Variants in CMC2 observed in about 807,000 individuals in gnomAD.
CMC2 encodes the protein C-X9-C motif containing 2, also known as COX assembly mitochondrial protein 2 homolog.
A neutral mutation model predicts 7.5 loss-of-function variants in CMC2; 5 were observed. The observed-to-expected ratio is 0.66, with a 90% CI of 0.35 to 1.40. The LOEUF is 1.40. CMC2 is among the 40% of genes most tolerant of loss of function. CMC2 has a pLI of 0.04. For missense variants in CMC2, 115 were observed against 92.3 expected (o/e 1.25, Z -1.01); for synonymous variants, 37 against 31.4 (o/e 1.18, Z -0.60).
At chr16:81,000,585 A>C (rs1229936623) in intron 1 of CMC2, among the ~76,000 whole-genome samples, 1 of 152,244 alleles carries the variant, frequency 6.6e-6, no homozygotes, top group Non-Finnish European at 1.5e-5. Flanking sequence ...GTGGCCAAAA[A>C]ACATGAAAAA....
chr16:81,005,868 G>C (rs1387706095), intron 1 of CMC2, among the ~76,000 whole-genome samples: 1 of 152,232 alleles, frequency 6.6e-6, no homozygotes, highest in Non-Finnish European at 1.5e-5. Flanking sequence ...AGGCTCGTGA[G>C]GGAGCATTCT....
At position 80,971,562 on chromosome 16, in the gene CMC2, T is replaced by TATATATATATATATA. The variant is rs1555512297; in HGVS notation, c.*4530_*4531insTATATATATATATAT. On this transcript the variant is annotated 3_prime_UTR_variant, in exon 4 of 4. Coordinates refer to ENST00000219400, the MANE Select transcript of CMC2 (RefSeq NM_020188.5). ...GGCTATGGATACTGACATACATACA[T>TATATATATATATATA]TTTATATATATATATATATATATGT... The TATATATATATATATA allele has an allele frequency of 3.9e-3, 298 of 75,844 alleles. 5 individuals carry two copies. The highest frequency in any genetic ancestry group is 0.011 in the East Asian group (27 of 2,380). 4.7% of individuals were successfully genotyped at this position (75,844 alleles called of 1,614,324 possible).
rs1273282228 is a variant in CMC2, at chr16:80,968,710, T to C, written c.*7383A>G. 6.6e-6 allele frequency: 1 copy of C among 152,106 alleles called. No individual in the cohort carries two copies. Among genetic ancestry groups the C allele is most frequent in the Non-Finnish European group, 1.5e-5 (1 of 68,030 alleles). 9.4% of individuals were successfully genotyped at this position (152,106 alleles called of 1,614,324 possible). A position where few individuals can be genotyped will look rare whatever the true frequency, so the allele number is the denominator to read the frequency against. ...ATCTACAAATACTAGATAGCATATA[T>C]CAAATATAGTTTTTAAAGGTGTAGT... On this transcript the variant is annotated 3_prime_UTR_variant, in exon 4 of 4. Coordinates refer to ENST00000219400, the MANE Select transcript of CMC2 (RefSeq NM_020188.5).
intron 2 of CMC2, 79 bp downstream of exon 2, chr16:80,997,235 C>T (rs1446602206): frequency 2.4e-6 from 2 of 830,276 alleles, no homozygotes; most frequent in African/African-American, 1.7e-5. Context: ...TTCCTTCTAT[C>T]AACGGAGATA....
intron 3 of CMC2, among the ~76,000 whole-genome samples, chr16:80,979,046 A>C (rs964097435): frequency 6.6e-6 from 1 of 151,920 alleles, no homozygotes; most frequent in Admixed American, 6.6e-5. Context: ...GCGCCACTGC[A>C]CTCCAGCCTG....
chr16:81,005,016 T>C (rs1474986741), intron 1 of CMC2, among the ~76,000 whole-genome samples: 1 of 152,228 alleles, frequency 6.6e-6, no homozygotes, highest in East Asian at 1.9e-4. Flanking sequence ...TACACTACAG[T>C]TGTAATTTCT....
rs989889645 is a variant in CMC2 at position 80,973,783 on chromosome 16, G to C, written c.*2310C>G. 1 of 152,126 alleles carries C rather than the reference G, an allele frequency of 6.6e-6. No homozygotes were observed. The highest frequency in any genetic ancestry group is 2.4e-5 in the African/African-American group (1 of 41,380). 9.4% of individuals were successfully genotyped at this position (152,126 alleles called of 1,614,324 possible). On this transcript the variant is annotated 3_prime_UTR_variant, in exon 4 of 4. Transcript: ENST00000219400. Reference sequence around the variant, plus strand: ...GCTGGAAAGGTAGATCATTGCCATAGCCTTCAGTGTGTACTTTACTCTACA... The same window carrying C: ...GCTGGAAAGGTAGATCATTGCCATACCCTTCAGTGTGTACTTTACTCTACA...
At chr16:80,989,845 G>C (rs1013194477) in intron 2 of CMC2, among the ~76,000 whole-genome samples, 1 of 152,122 alleles carries the variant, frequency 6.6e-6, no homozygotes. Context: ...TCTACAATAT[G>C]TTTACTTATT....
intron 1 of CMC2, chr16:80,998,269 A>G (rs1217978357): frequency 6.6e-6 from 1 of 152,174 alleles, no homozygotes; most frequent in African/African-American, 2.4e-5. Context: ...GATTACCAAA[A>G]GAAAGAACCG....
intron 1 of CMC2, among the ~76,000 whole-genome samples, chr16:81,006,323 G>A (rs1969330987): frequency 6.6e-6 from 1 of 152,246 alleles, no homozygotes; most frequent in Non-Finnish European, 1.5e-5. Context: ...ATTCTCAATT[G>A]CTAGATAAAC....
intron 2 of CMC2, among the ~76,000 whole-genome samples, chr16:80,996,322 GTC>G (rs1968411314): frequency 6.6e-6 from 1 of 152,120 alleles, no homozygotes; most frequent in South Asian, 2.1e-4. Context: ...CCCCTTTTCT[GTC>G]TCTGACTATA....
chr16:81,006,793 C>T lies in CMC2; in HGVS notation c.-95G>A. On this transcript the variant is annotated 5_prime_UTR_variant, in exon 1 of 4. Transcript: ENST00000219400. Reference sequence around the variant, plus strand: ...CAGTAGCCGGCGGAGACGCCCGACCCGAAGGCCGGCTGCTAGGGAGCAGAC... The same window carrying T: ...CAGTAGCCGGCGGAGACGCCCGACCTGAAGGCCGGCTGCTAGGGAGCAGAC... The T allele has an allele frequency of 3.0e-6, 3 of 985,654 alleles. No homozygotes were observed. Among genetic ancestry groups the T allele is most frequent in the Non-Finnish European group, 3.6e-6 (3 of 830,114 alleles). 61.1% of individuals were successfully genotyped at this position (985,654 alleles called of 1,614,324 possible). A position where few individuals can be genotyped will look rare whatever the true frequency, so the allele number is the denominator to read the frequency against.
intron 1 of CMC2, among the ~76,000 whole-genome samples, chr16:81,000,126 T>A (rs1292436457): frequency 6.6e-6 from 1 of 152,276 alleles, no homozygotes; most frequent in East Asian, 1.9e-4. Context: ...TCACAAACTA[T>A]GCATCCAACA....
intron 2 of CMC2, among the ~76,000 whole-genome samples, chr16:80,986,313 A>G (rs928181949): frequency 7.0e-4 from 106 of 152,154 alleles, no homozygotes; most frequent in African/African-American, 2.3e-3. Flanking sequence ...TCATGCCACT[A>G]CACTCCAGCC....
Position 80,974,758 on chromosome 16 carries a change from G to T in CMC2, c.*1335C>A, listed in dbSNP as rs1348130423. 6.6e-6 allele frequency: 1 copy of T among 152,182 alleles called. No individual in the cohort carries two copies. The highest frequency in any genetic ancestry group is 6.5e-5 in the Admixed American group (1 of 15,278). The allele number at this position is 152,182 out of a possible 1,614,324, so 9.4% of individuals were successfully genotyped here. ...TCTAAAGGCAAAATGTCTCATTTCT[G>T]TATTTCTACTGCCTGACACTAGGGG... On this transcript the variant is annotated 3_prime_UTR_variant, in exon 4 of 4. Coordinates refer to ENST00000219400, the MANE Select transcript of CMC2 (RefSeq NM_020188.5).
Position 80,969,210 on chromosome 16 carries a change from A to T in CMC2, c.*6883T>A, listed in dbSNP as rs2151601897. On this transcript the variant is annotated 3_prime_UTR_variant, in exon 4 of 4. Coordinates refer to ENST00000219400, the MANE Select transcript of CMC2 (RefSeq NM_020188.5). ...TTACAACAAAATTAGGTTAAAATGT[A>T]ACCCTCATATCCCAAAATACAAATG... is the stretch of plus-strand genomic sequence containing the variant. 4 of 152,348 alleles carry T rather than the reference A, an allele frequency of 2.6e-5. No individual in the cohort carries two copies. In the South Asian group the frequency reaches 8.3e-4, roughly 32 times the overall value. 9.4% of individuals were successfully genotyped at this position (152,348 alleles called of 1,614,324 possible).
chr16:81,005,782 C>T (rs567521754), intron 1 of CMC2, among the ~76,000 whole-genome samples: 31 of 152,356 alleles, frequency 2.0e-4, no homozygotes, highest in African/African-American at 6.0e-4. Flanking sequence ...CCAGGACTTA[C>T]AAGGTGCCTA....
intron 3 of CMC2, among the ~76,000 whole-genome samples, chr16:80,977,985 T>C (rs1912631038): frequency 6.6e-6 from 1 of 150,696 alleles, no homozygotes; most frequent in Non-Finnish European, 1.5e-5. Context: ...GGCAGGAGAA[T>C]CACTTGAATC....
chr16:80,968,053 G>C lies in CMC2; in HGVS notation c.*8040C>G, dbSNP rs1314198245. ...AAGAGTAAGCTAGAAGTGATGACAA[G>C]AGTGGATGAAGGTCATTAACCCTAA... On this transcript the variant is annotated 3_prime_UTR_variant, in exon 4 of 4. Transcript: ENST00000219400. 1 of 152,136 alleles carries C rather than the reference G, an allele frequency of 6.6e-6. No individual in the cohort carries two copies. 9.4% of individuals were successfully genotyped at this position (152,136 alleles called of 1,614,324 possible).
Sources: gnomAD v4.1 joint callset for allele counts (sites outside exome capture counted in the v4.1 genomes callset) on GRCh38, gnomAD v4.1.1 for gene constraint, MANE v1.5 for transcripts, NCBI Gene and HGNC (gene_info 2026-07-23, HGNC 2026-07-21) for gene names.